The following ARHGAP23 variants were observed in gnomAD, a reference collection of about 807,000 sequenced individuals.
ARHGAP23 encodes the protein Rho GTPase activating protein 23, also known as rho GTPase-activating protein 23.
Under a neutral mutation model 136.3 loss-of-function variants are expected in ARHGAP23, and 34 were observed. That is an observed-to-expected ratio of 0.25 (90% confidence interval 0.19 to 0.33). The LOEUF (loss-of-function observed/expected upper bound fraction) is 0.33. ARHGAP23 is among the 10% of genes least tolerant of loss of function. The pLI, the probability that ARHGAP23 is intolerant of heterozygous loss-of-function variation, is 1.00. For synonymous variants in ARHGAP23, 832 were observed against 920.5 expected (o/e 0.90, Z 1.74); for missense variants, 1,808 against 2,139.0 (o/e 0.85, Z 3.05).
At chr17:38,475,519 G>A (rs377015237) in intron 11 of ARHGAP23, among the ~76,000 whole-genome samples, 5 of 152,204 alleles carry the variant, frequency 3.3e-5, no homozygotes, top group East Asian at 1.9e-4. Context: ...GGATCCACAC[G>A]ATGGGAGGCC....
rs550812698 is a variant in ARHGAP23 at position 38,499,285 on chromosome 17, G to A, written c.3415+775G>A. On this transcript the variant is annotated intron_variant, in intron 22 of 23. Transcript: ENST00000622683. ...CTGCTAGTCATCCAGGCTGGGGACC[G>A]ACACTCTCTGGAGACCAGCGATGCC... Among the ~76,000 whole-genome samples the A allele has an allele frequency of 4.1e-4, 63 of 152,330 alleles. No individual in the cohort carries two copies. In the South Asian group the frequency reaches 0.012, roughly 28 times the overall value.
intron 1 of ARHGAP23, 23 bp from the exon 2 acceptor site, chr17:38,458,078 GC>G (rs1403618997): frequency 1.2e-5 from 18 of 1,535,598 alleles, no homozygotes; most frequent in Non-Finnish European, 1.5e-5. Context: ...CGGGCGCTCA[GC>G]CTGGCCTCTC....
intron 19 of ARHGAP23, 105 bp downstream of exon 19, chr17:38,490,656 C>T (rs2040257213): frequency 3.3e-6 from 3 of 898,164 alleles, no homozygotes; most frequent in Non-Finnish European, 5.4e-6. Flanking sequence ...ACTCAGGCCC[C>T]TCTAGGCACG....
intron 3 of ARHGAP23, among the ~76,000 whole-genome samples, chr17:38,461,222 T>C (rs904710275): frequency 3.9e-5 from 6 of 152,136 alleles, no homozygotes; most frequent in African/African-American, 1.4e-4. Context: ...CGCAGATGGG[T>C]GTCTGCCACC....
At chr17:38,488,839 G>A (rs984198873) in intron 17 of ARHGAP23, among the ~76,000 whole-genome samples, 2 of 151,734 alleles carry the variant, frequency 1.3e-5, no homozygotes, top group African/African-American at 4.8e-5. Flanking sequence ...GTGAGCCACC[G>A]CGCCCTGCCT....
At chr17:38,485,906 C>T (rs1377692879) in intron 16 of ARHGAP23, among the ~76,000 whole-genome samples, 156 bp from the exon 17 acceptor site, 1 of 152,184 alleles carries the variant, frequency 6.6e-6, no homozygotes, top group Non-Finnish European at 1.5e-5. Context: ...TCTGGGGACT[C>T]AGTTCTGCTG....
chr17:38,452,356 G>A (rs1032118670), intron 1 of ARHGAP23: 3 of 152,118 alleles, frequency 2.0e-5, no homozygotes, highest in African/African-American at 7.3e-5. Context: ...TCTTGCTGGG[G>A]ACAGTGGATG....
chr17:38,451,002 G>C (rs1002940528), intron 1 of ARHGAP23: 4 of 152,286 alleles, frequency 2.6e-5, no homozygotes, highest in African/African-American at 9.7e-5. Context: ...TGGGCAGGGC[G>C]TGGGGGGAGG....
intron 2 of ARHGAP23, among the ~76,000 whole-genome samples, chr17:38,460,597 T>A (rs997537346): frequency 6.6e-6 from 1 of 152,168 alleles, no homozygotes; most frequent in African/African-American, 2.4e-5. Context: ...CTTCTGTGTG[T>A]GTGAGCCTGT....
chr17:38,451,906 C>T (rs2039179390), intron 1 of ARHGAP23: 1 of 152,426 alleles, frequency 6.6e-6, no homozygotes, highest in African/African-American at 2.4e-5. Context: ...TCCTTTCCCG[C>T]TCTCCCCCTA....
chr17:38,473,000 G>A (rs1266227453), intron 11 of ARHGAP23, among the ~76,000 whole-genome samples: 1 of 152,052 alleles, frequency 6.6e-6, no homozygotes, highest in African/African-American at 2.4e-5. Context: ...GCAGTGGCGC[G>A]ATCTCGGCTC....
At chr17:38,444,735 G>T (rs527347050) in intron 1 of ARHGAP23, among the ~76,000 whole-genome samples, 1 of 152,216 alleles carries the variant, frequency 6.6e-6, no homozygotes, top group South Asian at 2.1e-4. Flanking sequence ...CAGGCAGGAG[G>T]TGCCCAGCTC....
chr17:38,481,481 C>T (rs1437016173), intron 14 of ARHGAP23, among the ~76,000 whole-genome samples: 2 of 152,214 alleles, frequency 1.3e-5, no homozygotes, highest in Non-Finnish European at 2.9e-5. Flanking sequence ...TTAGTAGAGA[C>T]AGGGTTTTGC....
intron 1 of ARHGAP23, among the ~76,000 whole-genome samples, chr17:38,431,778 G>A (rs1159517071): frequency 6.6e-6 from 1 of 152,162 alleles, no homozygotes; most frequent in African/African-American, 2.4e-5. Flanking sequence ...AACAGACTGG[G>A]GAGTGCCCAA....
In ARHGAP23 at chr17:38,510,696, G is replaced by A. The variant is rs2040742845; in HGVS notation, c.4200G>A (p.Arg1400=). The A allele has an allele frequency of 7.0e-7, 1 of 1,428,114 alleles. No individual in the cohort carries two copies. Among genetic ancestry groups the A allele is most frequent in the Non-Finnish European group, 9.1e-7 (1 of 1,098,838 alleles). 88.5% of individuals were successfully genotyped at this position (1,428,114 alleles called of 1,614,324 possible). Residue 1400 remains arginine (R), a synonymous_variant, in exon 24 of 24, where the codon CGG becomes CGA. Transcript: ENST00000622683. This position sits in a 1 kb window ranked among gnomAD's most constrained non-coding sequence, Gnocchi z 4.6. ...TGTCGCCCGAGACCCGGCGGCGCCG[G>A]AGCAGCTGGCGCCGCCACACCGTGG... ...RPLSPETRRR[R]SSWRRHTVVV...
intron 1 of ARHGAP23, among the ~76,000 whole-genome samples, chr17:38,432,822 C>T (rs536529270): frequency 2.1e-4 from 32 of 152,312 alleles, no homozygotes; most frequent in Admixed American, 1.2e-3. Flanking sequence ...TAATGAGACC[C>T]TGTCTCAAAA....
chr17:38,475,536 G>A (rs2039873231), intron 11 of ARHGAP23, among the ~76,000 whole-genome samples: 1 of 152,208 alleles, frequency 6.6e-6, no homozygotes, highest in Admixed American at 6.5e-5. Context: ...GGCCAGATGT[G>A]GGCTGTGCCC....
chr17:38,492,650 C>T, intron 20 of ARHGAP23, among the ~76,000 whole-genome samples: 1 of 152,204 alleles, frequency 6.6e-6, no homozygotes, highest in East Asian at 1.9e-4. Context: ...AGGTGGTGAG[C>T]AGCTGAGCCA....
upstream of ARHGAP23, among the ~76,000 whole-genome samples, chr17:38,427,507 G>C (rs541456214): frequency 6.6e-6 from 1 of 152,076 alleles, no homozygotes; most frequent in Non-Finnish European, 1.5e-5. Context: ...GTCCCTCCCT[G>C]GACTGTCAGG....
Sources: gnomAD v4.1 joint callset for allele counts (sites outside exome capture counted in the v4.1 genomes callset) on GRCh38, gnomAD v4.1.1 for gene constraint, Gnocchi (gnomAD v3.1) non-coding constraint, MANE v1.5 for transcripts, NCBI Gene and HGNC (gene_info 2026-07-23, HGNC 2026-07-21) for gene names.